The following TNIP1 variants were observed in gnomAD, a reference collection of about 807,000 sequenced individuals.
TNIP1 encodes TNFAIP3 interacting protein 1, also known as TNFAIP3-interacting protein 1.
Under a neutral mutation model 86.6 loss-of-function variants are expected in TNIP1, and 22 were observed. The ratio of observed to expected loss-of-function variants is 0.25; its 90% CI spans 0.18 to 0.36. TNIP1 has a LOEUF of 0.36. Among genes scored for constraint, TNIP1 ranks in the 10% least tolerant of loss-of-function variants. The pLI, the probability that TNIP1 is intolerant of heterozygous loss-of-function variation, is 1.00. For synonymous variants in TNIP1, 294 were observed against 313.0 expected (o/e 0.94, Z 0.64); for missense variants, 709 against 820.6 (o/e 0.86, Z 1.66).
upstream of TNIP1, among the ~76,000 whole-genome samples, chr5:151,085,293 C>T (rs559438129): frequency 6.6e-6 from 1 of 152,322 alleles, no homozygotes; most frequent in Admixed American, 6.5e-5. Flanking sequence ...AATCAAATGC[C>T]ACAAGGCTTG....
intron 1 of TNIP1, among the ~76,000 whole-genome samples, chr5:151,072,591 T>A (rs969031320): frequency 2.6e-5 from 4 of 152,196 alleles, no homozygotes; most frequent in African/African-American, 9.7e-5. Context: ...AAGATGCCCA[T>A]CTTCAGCATG....
chr5:151,044,729 A>G (rs1758910349), intron 9 of TNIP1, among the ~76,000 whole-genome samples: 1 of 152,156 alleles, frequency 6.6e-6, no homozygotes, highest in African/African-American at 2.4e-5. Context: ...AAGGAGCTGC[A>G]CTTCGACCTC....
chr5:151,045,683 G>A (rs1759063031), intron 9 of TNIP1, among the ~76,000 whole-genome samples, 178 bp downstream of exon 9: 1 of 152,202 alleles, frequency 6.6e-6, no homozygotes, highest in Non-Finnish European at 1.5e-5. Flanking sequence ...GATCAAGAGA[G>A]GACAGTCCAG....
At chr5:151,036,686 A>G in intron 13 of TNIP1, 104 bp downstream of exon 13, 9 of 1,560,186 alleles carry the variant, frequency 5.8e-6, no homozygotes, top group Non-Finnish European at 7.9e-6. Flanking sequence ...CAGAAAGTGG[A>G]TTACTAATTA....
chr5:151,064,453 C>T (rs979203469), intron 2 of TNIP1, among the ~76,000 whole-genome samples: 2 of 152,146 alleles, frequency 1.3e-5, no homozygotes, highest in South Asian at 2.1e-4. Flanking sequence ...TGCACAGGGC[C>T]CGTCGGTCGT....
intron 1 of TNIP1, among the ~76,000 whole-genome samples, chr5:151,065,596 G>A (rs940537522): frequency 6.6e-6 from 1 of 152,140 alleles, no homozygotes; most frequent in African/African-American, 2.4e-5. Context: ...TTTACTATGG[G>A]ATTATGGGCA....
chr5:151,043,775 TA>T (rs113496459), intron 9 of TNIP1, among the ~76,000 whole-genome samples: 226 of 141,220 alleles, frequency 1.6e-3, no homozygotes, highest in Non-Finnish European at 1.5e-3. Context: ...GACCCTATCT[TA>T]AAAAAAAAAA....
At chr5:151,031,722 C>T (rs369414245) in intron 17 of TNIP1, among the ~76,000 whole-genome samples, 7 of 152,174 alleles carry the variant, frequency 4.6e-5, no homozygotes, top group East Asian at 1.9e-4. Flanking sequence ...GCTCCAGCCA[C>T]GCTGGTCTTC....
chr5:151,067,845 C>T (rs1018833423), intron 1 of TNIP1, among the ~76,000 whole-genome samples: 21 of 152,212 alleles, frequency 1.4e-4, no homozygotes, highest in Admixed American at 9.8e-4. Context: ...ACTGACCAGA[C>T]GCACTTGGAC....
At chr5:151,053,697 T>C (rs983067257) in intron 6 of TNIP1, among the ~76,000 whole-genome samples, 6 of 152,240 alleles carry the variant, frequency 3.9e-5, no homozygotes, top group South Asian at 2.1e-4. Flanking sequence ...GCCAGGTACA[T>C]TGCTCGGTGT....
intron 1 of TNIP1, 127 bp from the exon 2 acceptor site, chr5:151,065,258 A>G: frequency 1.3e-6 from 1 of 748,648 alleles, no homozygotes; most frequent in Non-Finnish European, 2.1e-6. Context: ...ACCATATTAT[A>G]GTAAAGCAGG....
chr5:151,040,705 G>A (rs1412866575), intron 11 of TNIP1, among the ~76,000 whole-genome samples: 2 of 152,182 alleles, frequency 1.3e-5, no homozygotes, highest in African/African-American at 4.8e-5. Flanking sequence ...CACCTCCAAG[G>A]TAAGGGGGTG....
chr5:151,064,189 TCTC>T (rs1761953572), intron 2 of TNIP1, among the ~76,000 whole-genome samples: 1 of 152,010 alleles, frequency 6.6e-6, no homozygotes, highest in Non-Finnish European at 1.5e-5. Context: ...CCATTTTCCT[TCTC>T]CTACAAGTGG....
At chr5:151,046,067 C>A (rs1759125159) in intron 8 of TNIP1, 117 bp from the exon 9 acceptor site, 3 of 837,316 alleles carry the variant, frequency 3.6e-6, no homozygotes, top group Non-Finnish European at 5.9e-6. Context: ...TCTCCCTATT[C>A]CTCCCACCCA....
chr5:151,063,746 C>T lies in TNIP1; in HGVS notation c.138G>A (p.Gly46=). Residue 46 remains glycine, a splice_region_variant and synonymous_variant, in exon 3 of 18, where the codon GGG becomes GGA. Coordinates refer to ENST00000521591, the MANE Select transcript of TNIP1 (RefSeq NM_006058.5). ...CCATCTGGGACTCTTCCAAAAGCTC[C>T]CCTAGAGTTATTGGGGAAGAGGAAG... is the stretch of plus-strand genomic sequence containing the variant. The part of the protein sequence containing the change: ...KEKMQGIKML[G]ELLEESQMEA... 6.2e-7 allele frequency: 1 copy of T among 1,612,766 alleles called. No individual in the cohort carries two copies. Among genetic ancestry groups the T allele is most frequent in the Non-Finnish European group, 8.5e-7 (1 of 1,178,998 alleles).
At chr5:151,046,364 A>G (rs961165724) in intron 8 of TNIP1, 3 of 157,552 alleles carry the variant, frequency 1.9e-5, no homozygotes, top group Non-Finnish European at 2.8e-5. Context: ...TATAAAACAT[A>G]TATGTTTTAT....
chr5:151,049,311 G>A (rs1342536552), intron 8 of TNIP1, among the ~76,000 whole-genome samples: 2 of 151,988 alleles, frequency 1.3e-5, no homozygotes, highest in South Asian at 4.2e-4. Flanking sequence ...TAGGGGAGTG[G>A]GCCAGCCCTG....
At chr5:151,037,022 C>T in intron 12 of TNIP1, 101 bp from the exon 13 acceptor site, 1 of 1,396,960 alleles carries the variant, frequency 7.2e-7, no homozygotes, top group Non-Finnish European at 9.5e-7. Flanking sequence ...AATAATCATA[C>T]TAATAATAGC....
intron 8 of TNIP1, among the ~76,000 whole-genome samples, chr5:151,047,651 T>C (rs1327905356): frequency 6.6e-6 from 1 of 152,138 alleles, no homozygotes; most frequent in African/African-American, 2.4e-5. Flanking sequence ...CTCTAGACTA[T>C]TTTTGCAACT....
Sources: allele counts gnomAD v4.1 joint callset (sites outside exome capture counted in the v4.1 genomes callset), GRCh38; gene constraint gnomAD v4.1.1; transcripts MANE v1.5; gene names NCBI Gene and HGNC (gene_info 2026-07-23, HGNC 2026-07-21).